GRIK4: variants seen among roughly 807,000 people sequenced by gnomAD.
The protein encoded by GRIK4 is glutamate ionotropic receptor kainate type subunit 4, also known as glutamate receptor ionotropic, kainate 4.
In GRIK4, 40 loss-of-function variants were observed where a neutral mutation model predicts 104.9. The ratio of observed to expected loss-of-function variants is 0.38; its 90% confidence interval spans 0.30 to 0.50. The LOEUF is 0.50. GRIK4 is among the 20% of genes least tolerant of loss of function. The probability of loss-of-function intolerance (pLI) is 0.93; values close to 1 mark genes in which losing one functional copy is unlikely to be tolerated. For missense variants in GRIK4, 1,047 were observed against 1,308.1 expected, an observed-to-expected ratio of 0.80 and a Z score of 3.08; for synonymous variants, 485 against 524.9, an observed-to-expected ratio of 0.92 and a Z score of 1.04.
Position 120,549,650 on chromosome 11 carries a change from G to C in GRIK4, c.-159+37763G>C, listed in dbSNP as rs934260304. Among the ~76,000 whole-genome samples, 4 of 152,222 alleles carry C rather than the reference G, an allele frequency of 2.6e-5. No individual in the cohort carries two copies. The highest frequency in any genetic ancestry group is 5.9e-5 in the Non-Finnish European group (4 of 68,042). Reference sequence around the variant, plus strand: ...AAACGCTGCTCAGCTCACAGCAGGGGCCTGGGACAAGACAAGCAGAGGCTG... The same window carrying C: ...AAACGCTGCTCAGCTCACAGCAGGGCCCTGGGACAAGACAAGCAGAGGCTG... On this transcript the variant is annotated intron_variant, in intron 1 of 20. Coordinates refer to ENST00000527524, the MANE Select transcript of GRIK4 (RefSeq NM_014619.5). The surrounding 1 kb of genome is among the most constrained non-coding windows in gnomAD (Gnocchi z 4.7).
At chr11:120,862,155 T>TGGCCTCTGCACATTGCCCCTC in intron 9 of GRIK4, 35 bp downstream of exon 9, 1 of 1,597,640 alleles carries the variant, frequency 6.3e-7, no homozygotes, top group Non-Finnish European at 8.5e-7. Flanking sequence ...TGGTGCCCCT[T>TGGCCTCTGCACATTGCCCCTC]GGCCTCTGCA....
intron 3 of GRIK4, among the ~76,000 whole-genome samples, chr11:120,760,299 GT>G (rs2135438823): frequency 6.6e-6 from 1 of 150,382 alleles, no homozygotes; most frequent in East Asian, 1.9e-4. Context: ...GTCCGTCCAT[GT>G]TGTAACAAAT....
chr11:120,668,237 A>G (rs1949954333), intron 3 of GRIK4, among the ~76,000 whole-genome samples: 1 of 151,758 alleles, frequency 6.6e-6, no homozygotes, highest in Non-Finnish European at 1.5e-5. Context: ...GCAGACAGAG[A>G]GATAGGTAGG....
At chr11:120,942,956 A>C (rs1039967060) in intron 14 of GRIK4, among the ~76,000 whole-genome samples, 9 of 152,152 alleles carry the variant, frequency 5.9e-5, no homozygotes, top group South Asian at 2.1e-4. Flanking sequence ...TTCGTGAAGA[A>C]GGAATTCTGC....
chr11:120,657,782 T>G (rs1949736253), intron 2 of GRIK4, among the ~76,000 whole-genome samples: 1 of 152,212 alleles, frequency 6.6e-6, no homozygotes, highest in Non-Finnish European at 1.5e-5. Context: ...GATGAAATGT[T>G]GAGTGTGTTG....
chr11:120,837,877 G>A (rs1386185014), intron 8 of GRIK4, among the ~76,000 whole-genome samples: 1 of 152,110 alleles, frequency 6.6e-6, no homozygotes, highest in Non-Finnish European at 1.5e-5. Context: ...TTGGGAGCCT[G>A]GGAAATAGAA....
intron 3 of GRIK4, among the ~76,000 whole-genome samples, chr11:120,668,216 G>C (rs933042174): frequency 4.4e-4 from 67 of 151,162 alleles, no homozygotes; most frequent in African/African-American, 1.6e-3. Flanking sequence ...GACAGACAGA[G>C]AAAGAGGTAG....
intron 1 of GRIK4, among the ~76,000 whole-genome samples, chr11:120,577,458 T>C (rs1169026097): frequency 2.0e-5 from 3 of 152,018 alleles, no homozygotes; most frequent in Non-Finnish European, 4.4e-5. Context: ...CCAGACACCA[T>C]CTCGGGGGGT....
At chr11:120,945,630 G>C (rs1375622995) in intron 14 of GRIK4, among the ~76,000 whole-genome samples, 1 of 152,192 alleles carries the variant, frequency 6.6e-6, no homozygotes, top group Non-Finnish European at 1.5e-5. Flanking sequence ...AGTATTCTAG[G>C]CAGCAGGACA....
At chr11:120,778,841 G>C (rs1952093773) in intron 3 of GRIK4, among the ~76,000 whole-genome samples, 1 of 152,226 alleles carries the variant, frequency 6.6e-6, no homozygotes, top group Non-Finnish European at 1.5e-5. Flanking sequence ...GGCTCAGGCA[G>C]CTCTGAAGTG....
At position 120,517,601 on chromosome 11, in the gene GRIK4, T is replaced by C. The variant is rs544175199; in HGVS notation, c.-159+5714T>C. On this transcript the variant is annotated intron_variant, in intron 1 of 20. Coordinates refer to ENST00000527524, the MANE Select transcript of GRIK4 (RefSeq NM_014619.5). ...TGTTGGGAGAGAGGACGCAGATGCC[T>C]GAGTGCTGAGTCACAGTGGGCATCT... Among the ~76,000 whole-genome samples the C allele has an allele frequency of 4.3e-4, 55 of 128,576 alleles. 7 individuals carry two copies. The highest frequency in any genetic ancestry group is 2.4e-3 in the South Asian group (9 of 3,756). The allele number at this position is 128,576 out of a possible 152,430, so 84.4% of individuals were successfully genotyped here. A position where few individuals can be genotyped will look rare whatever the true frequency, so the allele number is the denominator to read the frequency against.
intron 8 of GRIK4, among the ~76,000 whole-genome samples, chr11:120,838,158 A>G (rs992830971): frequency 6.6e-6 from 1 of 152,174 alleles, no homozygotes; most frequent in Non-Finnish European, 1.5e-5. Flanking sequence ...GATGGTGATG[A>G]TATTATCTAG....
Position 120,986,593 on chromosome 11 carries a change from A to G in GRIK4, c.*333A>G, listed in dbSNP as rs1300755336. The G allele has an allele frequency of 2.5e-5, 6 of 235,634 alleles. No homozygotes were observed. The highest frequency in any genetic ancestry group is 9.3e-5 in the East Asian group (1 of 10,738). The allele number at this position is 235,634 out of a possible 1,614,324, so 14.6% of individuals were successfully genotyped here. A position where few individuals can be genotyped will look rare whatever the true frequency, so the allele number is the denominator to read the frequency against. On this transcript the variant is annotated 3_prime_UTR_variant, in exon 21 of 21. Transcript: ENST00000527524. ...GGGGGTCCCTACCCAGACCAGTCCA[A>G]TGAATTGGTGGAATCATCAGTTGAA... is the stretch of plus-strand genomic sequence containing the variant.
chr11:120,581,246 C>G (rs746692370), intron 1 of GRIK4, among the ~76,000 whole-genome samples: 1 of 152,112 alleles, frequency 6.6e-6, no homozygotes, highest in Non-Finnish European at 1.5e-5. Context: ...CTTTAAATTA[C>G]AAGACCAAGT....
chr11:120,662,338 AC>A (rs1350083618), intron 3 of GRIK4, among the ~76,000 whole-genome samples: 1 of 152,210 alleles, frequency 6.6e-6, no homozygotes, highest in Non-Finnish European at 1.5e-5. Flanking sequence ...GCAAGGTCAA[AC>A]CGGGCCTAAT....
intron 13 of GRIK4, among the ~76,000 whole-genome samples, chr11:120,931,481 C>G (rs938221641): frequency 1.3e-5 from 2 of 152,156 alleles, no homozygotes; most frequent in Non-Finnish European, 2.9e-5. Flanking sequence ...TCTTGCCTCC[C>G]TTCAATCTTT....
At chr11:120,720,788 A>C (rs1452905428) in intron 3 of GRIK4, among the ~76,000 whole-genome samples, 1 of 151,980 alleles carries the variant, frequency 6.6e-6, no homozygotes, top group East Asian at 1.9e-4. Context: ...TTGGAGGGGG[A>C]AGATACTGGA....
chr11:120,572,058 A>C (rs998655187), intron 1 of GRIK4, among the ~76,000 whole-genome samples: 4 of 152,222 alleles, frequency 2.6e-5, no homozygotes, highest in African/African-American at 9.6e-5. Flanking sequence ...TCCACGATCA[A>C]GATGCCGGCG....
rs1943700127 is a variant in GRIK4, at chr11:120,940,563, C to A, written c.1590+103C>A. On this transcript the variant is annotated intron_variant, in intron 14 of 20. Transcript: ENST00000527524. This position sits in a 1 kb window ranked among gnomAD's most constrained non-coding sequence, Gnocchi z 4.3. ...ATGACTCATGGAAATATTTAGATTT[C>A]AAGACTTAAATGCAAATGTGCTGGG... 4.2e-6 allele frequency: 3 copies of A among 713,740 alleles called. No homozygotes were observed. The highest frequency in any genetic ancestry group is 3.6e-5 in the African/African-American group (2 of 56,250). The allele number at this position is 713,740 out of a possible 1,614,324, so 44.2% of individuals were successfully genotyped here.
Sources: gnomAD v4.1 joint callset for allele counts (sites outside exome capture counted in the v4.1 genomes callset) on GRCh38, gnomAD v4.1.1 for gene constraint, Gnocchi (gnomAD v3.1) non-coding constraint, MANE v1.5 for transcripts, NCBI Gene and HGNC (gene_info 2026-07-23, HGNC 2026-07-21) for gene names.